PSME4: variants seen among roughly 807,000 people sequenced by gnomAD.
PSME4 encodes proteasome activator subunit 4.
A neutral mutation model predicts 253.9 loss-of-function variants in PSME4; 89 were observed. The observed-to-expected ratio is 0.35, with a 90% CI of 0.30 to 0.42. PSME4 has a LOEUF of 0.42. Ranked by LOEUF, PSME4 falls within the 10% of genes least tolerant of loss-of-function variation. PSME4 has a pLI of 1.00. For missense variants in PSME4, 2,014 were observed against 2,195.2 expected, an observed-to-expected ratio of 0.92 and a Z score of 1.65; for synonymous variants, 851 against 759.2, an observed-to-expected ratio of 1.12 and a Z score of -1.99.
intron 7 of PSME4, 131 bp downstream of exon 7, chr2:53,935,956 C>A (rs2104463657): frequency 8.1e-7 from 1 of 1,231,216 alleles, no homozygotes; most frequent in African/African-American, 1.5e-5. Flanking sequence ...TGCAGTACTG[C>A]AATCTTGGCT....
chr2:53,921,772 G>A (rs1295545712), intron 17 of PSME4, among the ~76,000 whole-genome samples: 6 of 141,898 alleles, frequency 4.2e-5, no homozygotes, highest in Admixed American at 2.8e-4. Context: ...GGAGGCTGAG[G>A]CAGGAGAATG....
chr2:53,945,359 C>G (rs17268130), intron 3 of PSME4, among the ~76,000 whole-genome samples: 15,795 of 152,120 alleles, frequency 0.1, 1,077 homozygotes, highest in Middle Eastern at 0.21. Flanking sequence ...ACACTCATCT[C>G]CTTTCCAATT....
intron 36 of PSME4, among the ~76,000 whole-genome samples, chr2:53,891,832 C>A (rs1280860412): frequency 7.1e-6 from 1 of 140,194 alleles, no homozygotes; most frequent in Non-Finnish European, 1.5e-5. Flanking sequence ...CCAGCCTGGG[C>A]GATAGGGCGA....
rs778999894 is a variant in PSME4, at chr2:53,898,355, CT to C, written c.3423-2del. Reference sequence around the variant, plus strand: ...GGTGTCTACCAAATTTTCATAGTTCCTTTAAAAAAAAGGTGAGGTATTATTT... The same window carrying C: ...GGTGTCTACCAAATTTTCATAGTTCCTTAAAAAAAAGGTGAGGTATTATTT... On this transcript the variant is annotated splice_acceptor_variant, in intron 29 of 46. Coordinates refer to ENST00000404125, the MANE Select transcript of PSME4 (RefSeq NM_014614.3). LOFTEE classifies it high-confidence loss of function. 68 of 1,586,260 alleles carry C rather than the reference CT, an allele frequency of 4.3e-5. No individual in the cohort carries two copies. The highest frequency in any genetic ancestry group is 1.6e-4 in the South Asian group (14 of 85,720).
In PSME4 at chr2:53,869,409, G is replaced by C; in HGVS notation, c.5230C>G (p.Pro1744Ala). Residue 1744 changes from proline (P) to alanine (A), a missense_variant, in exon 44 of 47, where the codon CCT becomes GCT. Around this residue, in one of 4 missense-constraint regions of PSME4, gnomAD observed 403 missense variants for 556.1 expected, o/e 0.72. Transcript: ENST00000404125. The part of the protein sequence containing the change: ...TKLPKKRKRD[P>A]GSVGDTIPSA... ...GGAATGGTATCTCCTACAGAACCAG[G>C]GTCTCGCTTTCTTTTCTTAGGTAGT... 1.2e-6 allele frequency: 2 copies of C among 1,610,780 alleles called. No homozygotes were observed. The highest frequency in any genetic ancestry group is 1.7e-6 in the Non-Finnish European group (2 of 1,177,722).
intron 43 of PSME4, among the ~76,000 whole-genome samples, chr2:53,873,248 G>GA (rs74452073): frequency 0.016 from 1,490 of 90,926 alleles, 18 homozygotes; most frequent in Non-Finnish European, 0.024. Flanking sequence ...CAAAAAAAAA[G>GA]AAAAAAAAAA....
rs752772602 is a variant in PSME4, at chr2:53,904,034, T to A, written c.3066A>T (p.Gln1022His). Residue 1022 changes from glutamine (Q) to histidine (H), a missense_variant, in exon 27 of 47, where the codon CAA becomes CAT. This residue lies in a region of PSME4 where 989 missense variants were observed against 1,021.1 expected (regional missense o/e 0.97). Transcript: ENST00000404125. ...GAAAAAAACCCTATACCTTGAATTG[T>A]TGCTGTGTAACACCTTGTCTATCAG... Reference protein sequence around the residue: ...LRPDRQGVTQQQFKGALYCLL... With the variant: ...LRPDRQGVTQHQFKGALYCLL... 6.2e-7 allele frequency: 1 copy of A among 1,607,768 alleles called. No homozygotes were observed. The highest frequency in any genetic ancestry group is 8.5e-7 in the Non-Finnish European group (1 of 1,178,098).
chr2:53,871,962 C>A (rs577636577), intron 43 of PSME4, among the ~76,000 whole-genome samples: 1 of 152,006 alleles, frequency 6.6e-6, no homozygotes, highest in African/African-American at 2.4e-5. Flanking sequence ...TGCAGTGAGC[C>A]GAGATCGCAC....
chr2:53,957,215 C>T (rs949265003), intron 1 of PSME4, among the ~76,000 whole-genome samples: 11 of 152,082 alleles, frequency 7.2e-5, no homozygotes, highest in South Asian at 2.1e-4. Context: ...CAGAAAGGAC[C>T]GGTTTTGTGG....
At chr2:53,959,869 C>A (rs1440873748) in intron 1 of PSME4, among the ~76,000 whole-genome samples, 4 of 152,314 alleles carry the variant, frequency 2.6e-5, no homozygotes, top group East Asian at 1.9e-4. Context: ...TTTGGGCCAA[C>A]AACTCGCAAT....
At chr2:53,969,022 T>C (rs1670886259) in intron 1 of PSME4, among the ~76,000 whole-genome samples, 1 of 152,210 alleles carries the variant, frequency 6.6e-6, no homozygotes, top group Non-Finnish European at 1.5e-5. Context: ...CTCTGGCAAG[T>C]CTAATCCAAG....
intron 40 of PSME4, 68 bp downstream of exon 40, chr2:53,887,191 G>A (rs944233732): frequency 2.2e-6 from 3 of 1,395,340 alleles, no homozygotes; most frequent in East Asian, 2.3e-5. Context: ...AAAAAGTGGT[G>A]CAAAAAACTC....
intron 16 of PSME4, 132 bp from the exon 17 acceptor site, chr2:53,922,716 T>G (rs1558686955): frequency 3.5e-6 from 4 of 1,156,424 alleles, no homozygotes; most frequent in Non-Finnish European, 4.7e-6. Flanking sequence ...TATTTCTTCT[T>G]CATGAAGCTG....
chr2:53,933,490 C>T (rs150121518), intron 8 of PSME4, among the ~76,000 whole-genome samples: 2 of 151,946 alleles, frequency 1.3e-5, no homozygotes, highest in East Asian at 3.9e-4. Context: ...AGCGATCCTC[C>T]CACCTCAGCC....
At chr2:53,910,179 G>T in intron 20 of PSME4, 49 bp from the exon 21 acceptor site, 1 of 1,448,124 alleles carries the variant, frequency 6.9e-7, no homozygotes, top group Non-Finnish European at 9.7e-7. Flanking sequence ...CCAATATGAA[G>T]TATTAAAGGG....
At chr2:53,896,943 G>A (rs1314581327) in intron 31 of PSME4, 58 bp from the exon 32 acceptor site, 6 of 1,272,774 alleles carry the variant, frequency 4.7e-6, no homozygotes, top group East Asian at 2.3e-5. Context: ...TTAACTGGTT[G>A]TCTGCTTTAC....
intron 1 of PSME4, among the ~76,000 whole-genome samples, chr2:53,969,525 C>G (rs767056338): frequency 2.0e-5 from 3 of 152,088 alleles, no homozygotes; most frequent in Non-Finnish European, 2.9e-5. Context: ...TGTGTTCACC[C>G]GTCCATACCC....
chr2:53,956,654 C>A, intron 1 of PSME4, among the ~76,000 whole-genome samples: 1 of 151,852 alleles, frequency 6.6e-6, no homozygotes, highest in Non-Finnish European at 1.5e-5. Context: ...CTCACTGCAA[C>A]GTCCGCCTCC....
At chr2:53,955,705 C>T (rs1410899742) in intron 1 of PSME4, among the ~76,000 whole-genome samples, 2 of 152,006 alleles carry the variant, frequency 1.3e-5, no homozygotes, top group Non-Finnish European at 2.9e-5. Flanking sequence ...GCAGACTGCT[C>T]GAGTCCAGGA....
Sources: allele counts gnomAD v4.1 joint callset (sites outside exome capture counted in the v4.1 genomes callset), GRCh38; gene constraint gnomAD v4.1.1; regional missense constraint gnomAD v4.1.1; transcripts MANE v1.5; gene names NCBI Gene and HGNC (gene_info 2026-07-23, HGNC 2026-07-21).